The following MAPK10 variants were observed in gnomAD, a reference collection of about 807,000 sequenced individuals.
The protein encoded by MAPK10 is mitogen-activated protein kinase 10.
Under a neutral mutation model 59.3 loss-of-function variants are expected in MAPK10, and 25 were observed. The observed-to-expected ratio is 0.42, with a 90% CI of 0.31 to 0.59. MAPK10 has a LOEUF of 0.59. Ranked by LOEUF, MAPK10 falls within the 20% of genes least tolerant of loss-of-function variation. The probability of loss-of-function intolerance (pLI) is 0.15; values close to 1 mark genes in which losing one functional copy is unlikely to be tolerated. For synonymous variants in MAPK10, 190 were observed against 200.5 expected (o/e 0.95, Z 0.44); for missense variants, 351 against 568.9 (o/e 0.62, Z 3.90).
chr4:86,199,824 T>A (rs1451289215), intron 2 of MAPK10, among the ~76,000 whole-genome samples: 1 of 152,034 alleles, frequency 6.6e-6, no homozygotes, highest in Non-Finnish European at 1.5e-5. Flanking sequence ...TATGCATGGA[T>A]GTGTATGCAC....
chr4:86,418,500 T>A (rs1224897730), intron 1 of MAPK10, among the ~76,000 whole-genome samples: 1 of 152,208 alleles, frequency 6.6e-6, no homozygotes, highest in Non-Finnish European at 1.5e-5. Context: ...GAAGATCTAA[T>A]AAATTATAAG....
intron 2 of MAPK10, among the ~76,000 whole-genome samples, chr4:86,353,243 A>G (rs567792615): frequency 6.6e-6 from 1 of 152,284 alleles, no homozygotes; most frequent in African/African-American, 2.4e-5. Context: ...TCCATTAATA[A>G]GCACATTTTA....
At chr4:86,283,499 A>G (rs1000352693) in intron 2 of MAPK10, among the ~76,000 whole-genome samples, 1 of 152,214 alleles carries the variant, frequency 6.6e-6, no homozygotes, top group African/African-American at 2.4e-5. Flanking sequence ...TCCTTACGAC[A>G]TGATAAGACA....
At chr4:86,327,523 T>G (rs1174048291) in intron 2 of MAPK10, 2 of 152,052 alleles carry the variant, frequency 1.3e-5, no homozygotes, top group Non-Finnish European at 2.9e-5. Context: ...CTTTTTTTTT[T>G]GCAAATGTTT....
At chr4:86,559,826 C>G (rs559343943) in intron 1 of MAPK10, among the ~76,000 whole-genome samples, 1 of 151,884 alleles carries the variant, frequency 6.6e-6, no homozygotes, top group South Asian at 2.1e-4. Context: ...GTAATCCCAG[C>G]TACTGGGGAG....
chr4:86,474,370 A>G (rs1752898058), intron 1 of MAPK10, among the ~76,000 whole-genome samples: 2 of 152,222 alleles, frequency 1.3e-5, no homozygotes, highest in South Asian at 4.1e-4. Context: ...TAGTGTTGAA[A>G]TTAATACATG....
At chr4:86,043,971 T>G (rs966368101) in intron 11 of MAPK10, among the ~76,000 whole-genome samples, 9 of 152,178 alleles carry the variant, frequency 5.9e-5, no homozygotes, top group African/African-American at 2.2e-4. Context: ...TCTGTGTTCT[T>G]TGCATTTTTC....
intron 2 of MAPK10, among the ~76,000 whole-genome samples, chr4:86,209,377 C>T (rs557930807): frequency 4.8e-4 from 73 of 152,062 alleles, no homozygotes; most frequent in Non-Finnish European, 8.5e-4. Flanking sequence ...TGCCTCCCTA[C>T]CTAGACAACA....
intron 2 of MAPK10, among the ~76,000 whole-genome samples, chr4:86,298,015 G>A (rs2095401517): frequency 1.3e-5 from 2 of 152,116 alleles, no homozygotes; most frequent in South Asian, 4.1e-4. Flanking sequence ...ATTTGCATTA[G>A]AGCCTTTGTC....
intron 3 of MAPK10, among the ~76,000 whole-genome samples, chr4:86,169,669 A>G (rs1441580707): frequency 2.6e-5 from 4 of 152,020 alleles, no homozygotes; most frequent in East Asian, 1.9e-4. Context: ...AACTTCCCCA[A>G]TGTAGCAAGG....
chr4:86,422,562 C>T (rs900610207), intron 1 of MAPK10, among the ~76,000 whole-genome samples: 2 of 152,190 alleles, frequency 1.3e-5, no homozygotes, highest in African/African-American at 2.4e-5. Flanking sequence ...ATCAGAATGG[C>T]TTCTTTATTG....
At chr4:86,302,428 T>A (rs1317186993) in intron 2 of MAPK10, among the ~76,000 whole-genome samples, 1 of 152,174 alleles carries the variant, frequency 6.6e-6, no homozygotes, top group Admixed American at 6.5e-5. Flanking sequence ...AAGCCAGACA[T>A]TTGGCAACAC....
intron 1 of MAPK10, among the ~76,000 whole-genome samples, chr4:86,397,711 G>A (rs1743124665): frequency 6.6e-6 from 1 of 151,780 alleles, no homozygotes; most frequent in East Asian, 1.9e-4. Context: ...TTTTCTGTAT[G>A]TTAATAGGTA....
intron 4 of MAPK10, among the ~76,000 whole-genome samples, chr4:86,128,868 C>T (rs1033526228): frequency 6.6e-6 from 1 of 152,078 alleles, no homozygotes; most frequent in African/African-American, 2.4e-5. Context: ...GAATTTTCAA[C>T]ATTTTAAACT....
At position 86,389,690 on chromosome 4, in the gene MAPK10, C is replaced by A. The variant is rs148273123; in HGVS notation, c.-121-35046G>T. Among the ~76,000 whole-genome samples the A allele has an allele frequency of 5.3e-3, 804 of 152,216 alleles. 13 individuals are homozygous for A. The highest frequency in any genetic ancestry group is 0.019 in the African/African-American group (776 of 41,530). ...TTTATAATATCCAACACATGACAAA[C>A]CTTCACATTTTGTCATAGTTTTCAT... On this transcript the variant is annotated intron_variant, in intron 1 of 13. Coordinates refer to the MAPK10 transcript ENST00000361569.
rs575209337 is a variant in MAPK10, at chr4:86,323,745, T to G, written c.-7+30785A>C. Among the ~76,000 whole-genome samples, 5 of 152,230 alleles carry G rather than the reference T, an allele frequency of 3.3e-5. No homozygotes were observed. The South Asian group carries it at 8.3e-4, about 25-fold the overall frequency. Reference sequence around the variant, plus strand: ...TATTTTGCTATTTTATTCAACAGTATACTACTTTTAGGCATATAACTCAAA... The same window carrying G: ...TATTTTGCTATTTTATTCAACAGTAGACTACTTTTAGGCATATAACTCAAA... On this transcript the variant is annotated intron_variant, in intron 2 of 13. Coordinates refer to ENST00000641462, the MANE Select transcript of MAPK10 (RefSeq NM_138982.4).
intron 1 of MAPK10, among the ~76,000 whole-genome samples, chr4:86,517,433 G>A (rs531422688): frequency 1.1e-4 from 17 of 151,908 alleles, no homozygotes; most frequent in African/African-American, 4.1e-4. Flanking sequence ...CGGCCACCGC[G>A]CCCGGCTAAC....
At chr4:86,579,023 T>C (rs1299611552) in intron 1 of MAPK10, among the ~76,000 whole-genome samples, 1 of 152,184 alleles carries the variant, frequency 6.6e-6, no homozygotes, top group Non-Finnish European at 1.5e-5. Flanking sequence ...AGTTAATAAA[T>C]GTGATATAAT....
At chr4:86,059,779 C>T (rs1326341432) in intron 11 of MAPK10, among the ~76,000 whole-genome samples, 3 of 152,008 alleles carry the variant, frequency 2.0e-5, no homozygotes, top group Non-Finnish European at 2.9e-5. Flanking sequence ...ACAAAACATG[C>T]CCGCTCTCTC....
Sources: allele counts gnomAD v4.1 joint callset (sites outside exome capture counted in the v4.1 genomes callset), GRCh38; gene constraint gnomAD v4.1.1; transcripts MANE v1.5; gene names NCBI Gene and HGNC (gene_info 2026-07-23, HGNC 2026-07-21).